The following SWT1 variants were observed in gnomAD, a reference collection of about 807,000 sequenced individuals.
SWT1 encodes the protein transcriptional protein SWT1.
Under a neutral mutation model 107.3 loss-of-function variants are expected in SWT1, and 33 were observed. That is an observed-to-expected ratio of 0.31 (90% CI 0.23 to 0.41). The LOEUF (loss-of-function observed/expected upper bound fraction) is 0.41, where lower values mean the gene tolerates loss of function less well. Among genes scored for constraint, SWT1 ranks in the 10% least tolerant of loss-of-function variants. The pLI is 1.00. For missense variants in SWT1, 898 were observed against 1,028.9 expected, an observed-to-expected ratio of 0.87 and a Z score of 1.74; for synonymous variants, 345 against 348.3, an observed-to-expected ratio of 0.99 and a Z score of 0.11.
intron 15 of SWT1, among the ~76,000 whole-genome samples, chr1:185,228,485 G>A (rs1484913229): frequency 6.6e-6 from 1 of 151,720 alleles, no homozygotes; most frequent in East Asian, 1.9e-4. Context: ...TTGTACCACC[G>A]TACTCCAGCC....
chr1:185,198,358 A>T (rs1316609187), intron 10 of SWT1, among the ~76,000 whole-genome samples: 2 of 152,178 alleles, frequency 1.3e-5, no homozygotes, highest in Admixed American at 1.3e-4. Context: ...TTTACTTCAA[A>T]TTATGTGGTC....
At chr1:185,267,371 C>A (rs1023462088) in intron 16 of SWT1, among the ~76,000 whole-genome samples, 8 of 152,172 alleles carry the variant, frequency 5.3e-5, no homozygotes, top group African/African-American at 1.9e-4. Flanking sequence ...GGTGTTAAAG[C>A]TGGGCTACGT....
At chr1:185,165,508 A>T (rs942370202) in intron 2 of SWT1, among the ~76,000 whole-genome samples, 3 of 152,226 alleles carry the variant, frequency 2.0e-5, no homozygotes, top group African/African-American at 4.8e-5. Context: ...TTGTTTTCCT[A>T]AATTATTGTA....
chr1:185,227,614 A>G (rs1035110331), intron 15 of SWT1: 2 of 523,556 alleles, frequency 3.8e-6, no homozygotes, highest in African/African-American at 3.9e-5. Flanking sequence ...AAGTATAGTA[A>G]TCATTTTTAC....
intron 16 of SWT1, among the ~76,000 whole-genome samples, chr1:185,266,896 A>T (rs888630805): frequency 1.3e-5 from 2 of 152,226 alleles, no homozygotes; most frequent in African/African-American, 2.4e-5. Flanking sequence ...TTGAACGTAC[A>T]TGAAATAATT....
intron 18 of SWT1, among the ~76,000 whole-genome samples, chr1:185,285,253 G>T (rs1664881475): frequency 1.3e-5 from 2 of 152,122 alleles, no homozygotes; most frequent in Non-Finnish European, 2.9e-5. Context: ...CGACAACCCA[G>T]CAGTGCATAT....
chr1:185,270,757 T>A (rs1291595512), intron 16 of SWT1, among the ~76,000 whole-genome samples: 1 of 152,190 alleles, frequency 6.6e-6, no homozygotes, highest in Non-Finnish European at 1.5e-5. Flanking sequence ...TGTCATTTGT[T>A]ATTTTTTTGT....
At chr1:185,288,400 A>G (rs1264227839) in intron 18 of SWT1, among the ~76,000 whole-genome samples, 1 of 152,096 alleles carries the variant, frequency 6.6e-6, no homozygotes, top group Admixed American at 6.6e-5. Context: ...TCTCAGAGAA[A>G]CCACACATTG....
At chr1:185,232,086 C>T (rs1043301470) in intron 16 of SWT1, among the ~76,000 whole-genome samples, 2 of 152,064 alleles carry the variant, frequency 1.3e-5, no homozygotes, top group Non-Finnish European at 2.9e-5. Context: ...ATATACAAGG[C>T]ATTTTTGCCT....
intron 18 of SWT1, among the ~76,000 whole-genome samples, chr1:185,278,834 A>G (rs928980952): frequency 6.6e-6 from 1 of 152,256 alleles, no homozygotes; most frequent in Admixed American, 6.5e-5. Flanking sequence ...ACCACAGTTC[A>G]TTTGCTATAT....
intron 16 of SWT1, among the ~76,000 whole-genome samples, chr1:185,268,066 C>G (rs1663535642): frequency 6.6e-6 from 1 of 152,130 alleles, no homozygotes. Flanking sequence ...TAAATTCAAC[C>G]CCAAGTTGAC....
Position 185,179,760 on chromosome 1 carries a change from T to G in SWT1, c.967-631T>G, listed in dbSNP as rs139467100. 3.1e-3 allele frequency among the ~76,000 whole-genome samples: 469 copies of G among 152,300 alleles called. 2 individuals are homozygous for G. Among genetic ancestry groups the G allele is most frequent in the African/African-American group, 0.011 (446 of 41,574 alleles). On this transcript the variant is annotated intron_variant, in intron 5 of 18. Transcript: ENST00000367500. ...AATATAGTATTTTTATGCATCTGTA[T>G]ATGAAGAATTCTACCATGTTTCATG...
intron 18 of SWT1, among the ~76,000 whole-genome samples, chr1:185,288,179 A>T (rs911527796): frequency 6.6e-5 from 10 of 152,310 alleles, no homozygotes; most frequent in African/African-American, 2.4e-4. Context: ...CCATAGCCCT[A>T]TTTTTAAACT....
intron 9 of SWT1, among the ~76,000 whole-genome samples, chr1:185,188,758 G>C (rs1192891605): frequency 1.3e-5 from 2 of 152,156 alleles, no homozygotes; most frequent in African/African-American, 4.8e-5. Context: ...AGATGAATTG[G>C]CTGGTATGTC....
intron 5 of SWT1, among the ~76,000 whole-genome samples, chr1:185,178,823 A>G (rs1655788862): frequency 6.6e-6 from 1 of 152,190 alleles, no homozygotes; most frequent in African/African-American, 2.4e-5. Flanking sequence ...TGGAATAGTA[A>G]AACTATAATG....
intron 9 of SWT1, among the ~76,000 whole-genome samples, chr1:185,189,030 G>A (rs1027896701): frequency 1.3e-5 from 2 of 152,086 alleles, no homozygotes; most frequent in African/African-American, 2.4e-5. Flanking sequence ...CCAGGCTGGA[G>A]TGCAGTGGCA....
intron 1 of SWT1, among the ~76,000 whole-genome samples, chr1:185,158,327 C>G (rs1182826434): frequency 6.6e-6 from 1 of 151,792 alleles, no homozygotes; most frequent in Non-Finnish European, 1.5e-5. Context: ...CCCTGTGGAG[C>G]TTCTGTGAGT....
Position 185,184,875 on chromosome 1 carries a change from A to G in SWT1, c.1373A>G (p.Lys458Arg), listed in dbSNP as rs1656320418. 21 of 1,544,072 alleles carry G rather than the reference A, an allele frequency of 1.4e-5. No homozygotes were observed. The highest frequency in any genetic ancestry group is 1.8e-5 in the Non-Finnish European group (21 of 1,150,370). The change falls in exon 9 of 19, where the codon AAA (lysine) becomes AGA (arginine). Residue 458 changes from lysine to arginine, a missense_variant. By Grantham distance (26) the Lys-to-Arg change is conservative (BLOSUM62 2). Transcript: ENST00000367500. ...PAVHFINDSLKNQDRKLWGQS... is the reference protein window; with the variant it reads ...PAVHFINDSLRNQDRKLWGQS... ...GTTCATTTCATCAACGACAGTCTCA[A>G]AAATCAAGATAGAAAGCTATGGGGT...
intron 16 of SWT1, among the ~76,000 whole-genome samples, chr1:185,239,907 A>T (rs1419303356): frequency 6.6e-6 from 1 of 152,090 alleles, no homozygotes; most frequent in African/African-American, 2.4e-5. Flanking sequence ...ATTTCTAAAA[A>T]TAGGGAAAGT....
Sources: allele counts gnomAD v4.1 joint callset (sites outside exome capture counted in the v4.1 genomes callset), GRCh38; gene constraint gnomAD v4.1.1; transcripts MANE v1.5; gene names NCBI Gene and HGNC (gene_info 2026-07-23, HGNC 2026-07-21).